FOXK1: variants seen among roughly 807,000 people sequenced by gnomAD.
FOXK1 encodes forkhead box protein K1.
FOXK1 carries 19 observed loss-of-function variants against 51.9 expected under a neutral mutation model. That is an observed-to-expected ratio of 0.37 (90% confidence interval 0.26 to 0.54). FOXK1 has a LOEUF of 0.54. FOXK1 is among the 20% of genes least tolerant of loss of function. The pLI is 0.87. For synonymous variants in FOXK1, 537 were observed against 482.6 expected, an observed-to-expected ratio of 1.11 and a Z score of -1.48; for missense variants, 870 against 1,032.7, an observed-to-expected ratio of 0.84 and a Z score of 2.16.
Position 4,737,620 on chromosome 7 carries a change from C to T in FOXK1, c.561-3218C>T, listed in dbSNP as rs184190810. Among the ~76,000 whole-genome samples the T allele has an allele frequency of 1.2e-4, 18 of 152,070 alleles. No homozygotes were observed. In the East Asian group the frequency reaches 2.9e-3, roughly 25 times the overall value. On this transcript the variant is annotated intron_variant, in intron 1 of 8. Coordinates refer to ENST00000328914, the MANE Select transcript of FOXK1 (RefSeq NM_001037165.2). ...CATGGACACTGTGTTCATTCAGCAC[C>T]GTCGTTCACAGCTGGAGTTCACCTT...
At chr7:4,695,055 A>G (rs1355709867) in intron 1 of FOXK1, among the ~76,000 whole-genome samples, 2 of 152,248 alleles carry the variant, frequency 1.3e-5, no homozygotes, top group African/African-American at 2.4e-5. Flanking sequence ...CTGCCAGACA[A>G]CAGAACAGGC....
rs1780958137 is a variant in FOXK1 at position 4,762,979 on chromosome 7, C to G, written c.*515C>G. On this transcript the variant is annotated 3_prime_UTR_variant, in exon 9 of 9. Transcript: ENST00000328914. This position sits in a 1 kb window ranked among gnomAD's most constrained non-coding sequence, Gnocchi z 5.7. ...AACAGCCTCTCCGCCCGGAACGTGA[C>G]ATAGAGAGTGTTGGCATTAACTCGG... The G allele has an allele frequency of 6.3e-6, 1 of 158,390 alleles. No homozygotes were observed. Among genetic ancestry groups the G allele is most frequent in the Non-Finnish European group, 1.4e-5 (1 of 71,406 alleles). 9.8% of individuals were successfully genotyped at this position (158,390 alleles called of 1,614,324 possible).
At chr7:4,695,906 A>G (rs553206860) in intron 1 of FOXK1, among the ~76,000 whole-genome samples, 140 of 150,656 alleles carry the variant, frequency 9.3e-4, no homozygotes, top group African/African-American at 3.3e-3. Context: ...ATTGCACTCC[A>G]GTCTGGGCAA....
At chr7:4,744,691 C>G (rs1780678266) in intron 2 of FOXK1, among the ~76,000 whole-genome samples, 1 of 152,238 alleles carries the variant, frequency 6.6e-6, no homozygotes, top group African/African-American at 2.4e-5. Context: ...GACTGCGAGT[C>G]CCCGTCAGGG....
rs1781039941 is a variant in FOXK1 at position 4,768,026 on chromosome 7, G to C, written c.*5562G>C. 2.0e-5 allele frequency: 3 copies of C among 149,354 alleles called. No homozygotes were observed. The highest frequency in any genetic ancestry group is 2.0e-4 in the Admixed American group (3 of 14,988). The allele number at this position is 149,354 out of a possible 1,614,324, so 9.3% of individuals were successfully genotyped here. A position where few individuals can be genotyped will look rare whatever the true frequency, so the allele number is the denominator to read the frequency against. On this transcript the variant is annotated 3_prime_UTR_variant, in exon 9 of 9. Coordinates refer to ENST00000328914, the MANE Select transcript of FOXK1 (RefSeq NM_001037165.2). The stretch of plus-strand genomic sequence containing the variant: ...TCCTCCCTGTCACCCAAACCCCGAA[G>C]TCACAGCTGCTTAGAAGAATGGGAT...
rs969410933 is a variant in FOXK1 at position 4,723,227 on chromosome 7, C to T, written c.561-17611C>T. Among the ~76,000 whole-genome samples, 2 of 151,988 alleles carry T rather than the reference C, an allele frequency of 1.3e-5. No homozygotes were observed. Among genetic ancestry groups the T allele is most frequent in the Admixed American group, 6.6e-5 (1 of 15,266 alleles). ...GACACCCATGGCGGCTTGCACGTTG[C>T]ACGTCCCCCGGCTCAGCACCGAGCA... On this transcript the variant is annotated intron_variant, in intron 1 of 8. Transcript: ENST00000328914. The surrounding 1 kb of genome is among the most constrained non-coding windows in gnomAD (Gnocchi z 4.7).
chr7:4,760,082 G>A (rs1256541366), intron 7 of FOXK1: 1 of 162,582 alleles, frequency 6.2e-6, no homozygotes, highest in East Asian at 1.9e-4. Flanking sequence ...TTGTTGAACA[G>A]GGCCCTCGGA....
Position 4,682,977 on chromosome 7 carries a change from C to G in FOXK1, c.560+109C>G, listed in dbSNP as rs1779771832. The G allele has an allele frequency of 8.5e-7, 1 of 1,173,960 alleles. No individual in the cohort carries two copies. The highest frequency in any genetic ancestry group is 3.3e-5 in the Admixed American group (1 of 30,688). 72.7% of individuals were successfully genotyped at this position (1,173,960 alleles called of 1,614,324 possible). A position where few individuals can be genotyped will look rare whatever the true frequency, so the allele number is the denominator to read the frequency against. ...CTCCAGCTTCCTCGGCCTCGACCCC[C>G]ACCCCCCGGCCCACCCCCGGTAACC... On this transcript the variant is annotated intron_variant, in intron 1 of 8. Transcript: ENST00000328914. The surrounding 1 kb of genome is among the most constrained non-coding windows in gnomAD (Gnocchi z 7.6).
In FOXK1 at chr7:4,762,989, G is replaced by C. The variant is rs1363061861; in HGVS notation, c.*525G>C. 1 of 156,548 alleles carries C rather than the reference G, an allele frequency of 6.4e-6. No individual in the cohort carries two copies. Among genetic ancestry groups the C allele is most frequent in the African/African-American group, 2.4e-5 (1 of 41,492 alleles). The allele number at this position is 156,548 out of a possible 1,614,324, so 9.7% of individuals were successfully genotyped here. ...CCGCCCGGAACGTGACATAGAGAGT[G>C]TTGGCATTAACTCGGGGGGTGTCCG... On this transcript the variant is annotated 3_prime_UTR_variant, in exon 9 of 9. Coordinates refer to ENST00000328914, the MANE Select transcript of FOXK1 (RefSeq NM_001037165.2). This position sits in a 1 kb window ranked among gnomAD's most constrained non-coding sequence, Gnocchi z 5.7.
At chr7:4,706,599 C>T (rs999451322) in intron 1 of FOXK1, among the ~76,000 whole-genome samples, 6 of 152,214 alleles carry the variant, frequency 3.9e-5, no homozygotes, top group African/African-American at 1.4e-4. Flanking sequence ...TCCTGACACC[C>T]ACCCCACCAG....
rs1004699876 is a variant in FOXK1, at chr7:4,767,304, A to T, written c.*4840A>T. ...GAGTAAGTTACGAAACATGATCGTC[A>T]GGCTCTTTGCAAACGCAGAGCCCCA... On this transcript the variant is annotated 3_prime_UTR_variant, in exon 9 of 9. Transcript: ENST00000328914. The surrounding 1 kb of genome is among the most constrained non-coding windows in gnomAD (Gnocchi z 6.6). 1 of 152,270 alleles carries T rather than the reference A, an allele frequency of 6.6e-6. No individual in the cohort carries two copies. The highest frequency in any genetic ancestry group is 2.4e-5 in the African/African-American group (1 of 41,466). 9.4% of individuals were successfully genotyped at this position (152,270 alleles called of 1,614,324 possible).
Position 4,769,419 on chromosome 7 carries a change from G to T in FOXK1, c.*6955G>T, listed in dbSNP as rs56115204. On this transcript the variant is annotated 3_prime_UTR_variant, in exon 9 of 9. Transcript: ENST00000328914. This position sits in a 1 kb window ranked among gnomAD's most constrained non-coding sequence, Gnocchi z 4.1. ...AGAGGCTGCCAAAGGTGACTGAAGC[G>T]GTCTCCAAGTCACTCTGTCACCACT... The T allele has an allele frequency of 6.6e-6, 1 of 151,898 alleles. No homozygotes were observed. Among genetic ancestry groups the T allele is most frequent in the Non-Finnish European group, 1.5e-5 (1 of 68,028 alleles). 9.4% of individuals were successfully genotyped at this position (151,898 alleles called of 1,614,324 possible). A position where few individuals can be genotyped will look rare whatever the true frequency, so the allele number is the denominator to read the frequency against.
At position 4,762,468 on chromosome 7, in the gene FOXK1, C is replaced by T. The variant is rs575323176; in HGVS notation, c.*4C>T. On this transcript the variant is annotated 3_prime_UTR_variant, in exon 9 of 9. Coordinates refer to ENST00000328914, the MANE Select transcript of FOXK1 (RefSeq NM_001037165.2). This position sits in a 1 kb window ranked among gnomAD's most constrained non-coding sequence, Gnocchi z 5.7. ...GGGGCCAGGCACCGGGGAGTGAGGT[C>T]ACCTGCAACGCGGGGGAGTGGGACT... 3 of 1,539,574 alleles carry T rather than the reference C, an allele frequency of 1.9e-6. No homozygotes were observed. Among genetic ancestry groups the T allele is most frequent in the East Asian group, 2.5e-5 (1 of 40,644 alleles).
rs1028999795 is a variant in FOXK1 at position 4,685,501 on chromosome 7, C to T, written c.560+2633C>T. On this transcript the variant is annotated intron_variant, in intron 1 of 8. Transcript: ENST00000328914. ...AGTGCTGGGATTACAGGCATACAGG[C>T]GTGAGCCCCTGCGCCCGGCCTCACT... 1.2e-4 allele frequency among the ~76,000 whole-genome samples: 18 copies of T among 149,894 alleles called. 1 individual carries two copies. The highest frequency in any genetic ancestry group is 2.7e-4 in the African/African-American group (11 of 40,848).
Position 4,747,027 on chromosome 7 carries a change from A to G in FOXK1, c.746+6004A>G, listed in dbSNP as rs1471969425. 6.6e-6 allele frequency among the ~76,000 whole-genome samples: 1 copy of G among 152,058 alleles called. No individual in the cohort carries two copies. Among genetic ancestry groups the G allele is most frequent in the Non-Finnish European group, 1.5e-5 (1 of 68,016 alleles). On this transcript the variant is annotated intron_variant, in intron 2 of 8. Transcript: ENST00000328914. This position sits in a 1 kb window ranked among gnomAD's most constrained non-coding sequence, Gnocchi z 9.2. ...CCTTTTATTTTTCCCTCCTGCCTAG[A>G]TCCCTTCGAGGGGCAACTTTGGCGC... is the stretch of plus-strand genomic sequence containing the variant.
rs200522707 is a variant in FOXK1 at position 4,756,110 on chromosome 7, TTTTG to T, written c.1050+743_1050+746del. On this transcript the variant is annotated intron_variant, in intron 4 of 8. Transcript: ENST00000328914. This position sits in a 1 kb window ranked among gnomAD's most constrained non-coding sequence, Gnocchi z 4.1. ...TGTAGCGCATCCACTAGCTTTGGTT[TTTTG>T]TTTGTTTGTTTGTTTTTTGAGACAG... Among the ~76,000 whole-genome samples the T allele has an allele frequency of 0.021, 3,266 of 152,218 alleles. 129 individuals are homozygous for T. The highest frequency in any genetic ancestry group is 0.073 in the African/African-American group (3,037 of 41,522).
intron 1 of FOXK1, among the ~76,000 whole-genome samples, chr7:4,695,717 A>T (rs940880867): frequency 1.3e-5 from 2 of 152,092 alleles, no homozygotes; most frequent in Non-Finnish European, 2.9e-5. Context: ...TGGGAGGATC[A>T]CCTGAGGTCG....
chr7:4,762,522 C>T lies in FOXK1; in HGVS notation c.*58C>T, dbSNP rs1780948988. The T allele has an allele frequency of 1.3e-5, 20 of 1,486,010 alleles. No individual in the cohort carries two copies. The highest frequency in any genetic ancestry group is 2.2e-5 in the Admixed American group (1 of 45,720). The allele number at this position is 1,486,010 out of a possible 1,614,324, so 92.1% of individuals were successfully genotyped here. A position where few individuals can be genotyped will look rare whatever the true frequency, so the allele number is the denominator to read the frequency against. ...CCAGCGGCGACCCCGAAGCTGGACC[C>T]GGCAGCTCAGGCGGCCGCACCCACA... On this transcript the variant is annotated 3_prime_UTR_variant, in exon 9 of 9. Coordinates refer to ENST00000328914, the MANE Select transcript of FOXK1 (RefSeq NM_001037165.2). The surrounding 1 kb of genome is among the most constrained non-coding windows in gnomAD (Gnocchi z 5.7).
At position 4,758,946 on chromosome 7, in the gene FOXK1, A is replaced by C; in HGVS notation, c.1245-105A>C. On this transcript the variant is annotated intron_variant, in intron 5 of 8. Transcript: ENST00000328914. This position sits in a 1 kb window ranked among gnomAD's most constrained non-coding sequence, Gnocchi z 4.4. ...AATGCGGAGGACAGAGACGAGCTCC[A>C]GGGAGCGTGGGCGGGTGACGGCGCT... 1.6e-6 allele frequency: 2 copies of C among 1,244,360 alleles called. No individual in the cohort carries two copies. The highest frequency in any genetic ancestry group is 2.2e-6 in the Non-Finnish European group (2 of 906,688). 77.1% of individuals were successfully genotyped at this position (1,244,360 alleles called of 1,614,324 possible). A position where few individuals can be genotyped will look rare whatever the true frequency, so the allele number is the denominator to read the frequency against.
Sources: gnomAD v4.1 joint callset for allele counts (sites outside exome capture counted in the v4.1 genomes callset) on GRCh38, gnomAD v4.1.1 for gene constraint, Gnocchi (gnomAD v3.1) non-coding constraint, MANE v1.5 for transcripts, NCBI Gene and HGNC (gene_info 2026-07-23, HGNC 2026-07-21) for gene names.